The following SLCO4A1 variants were observed in gnomAD, a reference collection of about 807,000 sequenced individuals.
SLCO4A1 encodes the protein colon organic anion transporter.
A neutral mutation model predicts 64.6 loss-of-function variants in SLCO4A1; 51 were observed. The ratio of observed to expected loss-of-function variants is 0.79; its 90% CI spans 0.63 to 1.00. The LOEUF (loss-of-function observed/expected upper bound fraction) is 1.00, where lower values mean the gene tolerates loss of function less well. SLCO4A1 is among the 50% of genes least tolerant of loss of function. The probability of loss-of-function intolerance (pLI) is 0.00; values close to 1 mark genes in which losing one functional copy is unlikely to be tolerated. For missense variants in SLCO4A1, 919 were observed against 980.5 expected (o/e 0.94, Z 0.84); for synonymous variants, 471 against 444.9 (o/e 1.06, Z -0.74).
chr20:62,682,054 A>G (rs897372959), intron 2 of SLCO4A1, among the ~76,000 whole-genome samples: 1 of 152,108 alleles, frequency 6.6e-6, no homozygotes, highest in African/African-American at 2.4e-5. Flanking sequence ...AACTTCACTC[A>G]CCCAGATTTC....
At chr20:62,668,711 T>C (rs1986821590) in intron 10 of SLCO4A1, among the ~76,000 whole-genome samples, 170 bp downstream of exon 10, 1 of 152,096 alleles carries the variant, frequency 6.6e-6, no homozygotes, top group Admixed American at 6.5e-5. Flanking sequence ...TCGTCATTTA[T>C]TTGCCCAAAG....
chr20:62,687,838 C>A (rs752285080), downstream of SLCO4A1, among the ~76,000 whole-genome samples: 1 of 152,140 alleles, frequency 6.6e-6, no homozygotes, highest in Non-Finnish European at 1.5e-5. Flanking sequence ...ATGGCCCAAC[C>A]TGCCTTCCGA....
chr20:62,685,489 A>C lies in SLCO4A1; in HGVS notation n.260A>C. On this transcript the variant is annotated non_coding_transcript_exon_variant, in exon 3 of 3. Coordinates refer to the SLCO4A1 transcript ENST00000466818. The surrounding 1 kb of genome is among the most constrained non-coding windows in gnomAD (Gnocchi z 4.6). ...GCTGTAAACCCCATCTGAGCCTTAC[A>C]CATAGATCTCCTTGAATTGGATTTT... 1 of 975,846 alleles carries C rather than the reference A, an allele frequency of 1.0e-6. No individual in the cohort carries two copies. Among genetic ancestry groups the C allele is most frequent in the Non-Finnish European group, 1.2e-6 (1 of 821,182 alleles). The allele number at this position is 975,846 out of a possible 1,614,324, so 60.4% of individuals were successfully genotyped here. A position where few individuals can be genotyped will look rare whatever the true frequency, so the allele number is the denominator to read the frequency against.
chr20:62,680,614 C>A (rs1015173763), intron 2 of SLCO4A1, among the ~76,000 whole-genome samples: 2 of 151,150 alleles, frequency 1.3e-5, no homozygotes, highest in African/African-American at 4.9e-5. Context: ...GCTTTGATGG[C>A]CGTTTCTGAG....
intron 3 of SLCO4A1, among the ~76,000 whole-genome samples, chr20:62,659,933 C>T (rs1028327234): frequency 6.6e-6 from 1 of 152,232 alleles, no homozygotes; most frequent in African/African-American, 2.4e-5. Context: ...ATTTTCCACT[C>T]GCCTTTTCGT....
rs1178304317 is a variant in SLCO4A1, at chr20:62,645,527, C to A, written c.-97+2974C>A. On this transcript the variant is annotated intron_variant, in intron 1 of 11. Coordinates refer to ENST00000217159, the MANE Select transcript of SLCO4A1 (RefSeq NM_016354.4). The surrounding 1 kb of genome is among the most constrained non-coding windows in gnomAD (Gnocchi z 4.2). ...TCACCCTCATCCTCACCCGCAGCCT[C>A]ACCCTCAGTCCTCAGACACTGGGGT... is the stretch of plus-strand genomic sequence containing the variant. 6.7e-6 allele frequency among the ~76,000 whole-genome samples: 1 copy of A among 150,060 alleles called. No individual in the cohort carries two copies. The highest frequency in any genetic ancestry group is 1.5e-5 in the Non-Finnish European group (1 of 67,276).
Position 62,656,721 on chromosome 20 carries a change from G to A in SLCO4A1, c.267G>A (p.Trp89Ter). Reference protein sequence around the residue: ...SAGQSVACGWWAFAPPCLQVL... With the variant: ...SAGQSVACGW The stretch of plus-strand genomic sequence containing the variant: ...GGCAGAGCGTGGCGTGCGGCTGGTG[G>A]GCCTTCGCACCGCCGTGCCTGCAGG... Residue 89 changes from tryptophan (W) to a stop codon, truncating the protein, a stop_gained, in exon 2 of 12, where the codon TGG becomes TGA. Coordinates refer to ENST00000217159, the MANE Select transcript of SLCO4A1 (RefSeq NM_016354.4). LOFTEE classifies it high-confidence loss of function. 1.1e-5 allele frequency: 17 copies of A among 1,611,018 alleles called. No individual in the cohort carries two copies. The highest frequency in any genetic ancestry group is 1.4e-5 in the Non-Finnish European group (17 of 1,179,098).
At position 62,661,376 on chromosome 20, in the gene SLCO4A1, G is replaced by A. The variant is rs1984811882; in HGVS notation, c.1121+201G>A. On this transcript the variant is annotated intron_variant, in intron 5 of 11. Coordinates refer to ENST00000217159, the MANE Select transcript of SLCO4A1 (RefSeq NM_016354.4). This position sits in a 1 kb window ranked among gnomAD's most constrained non-coding sequence, Gnocchi z 5.2. ...GCAGACCCCGCCTCAGGGCTGCAGAGCCGTGGGAGAGTCCCAGAGTGGGGC... is the reference window on the plus strand; with the variant it reads ...GCAGACCCCGCCTCAGGGCTGCAGAACCGTGGGAGAGTCCCAGAGTGGGGC... Among the ~76,000 whole-genome samples the A allele has an allele frequency of 6.6e-6, 1 of 152,160 alleles. No homozygotes were observed. Among genetic ancestry groups the A allele is most frequent in the African/African-American group, 2.4e-5 (1 of 41,438 alleles).
At chr20:62,679,875 T>A (rs1397946449) in intron 2 of SLCO4A1, among the ~76,000 whole-genome samples, 1 of 152,166 alleles carries the variant, frequency 6.6e-6, no homozygotes, top group Non-Finnish European at 1.5e-5. Flanking sequence ...CAGAAAAGTT[T>A]CAGGTGATTA....
intron 1 of SLCO4A1, among the ~76,000 whole-genome samples, chr20:62,647,692 C>T (rs1439517630): frequency 6.6e-6 from 1 of 152,264 alleles, no homozygotes; most frequent in African/African-American, 2.4e-5. Flanking sequence ...GAAGTAAGTG[C>T]ATGGGGCCTA....
downstream of SLCO4A1, among the ~76,000 whole-genome samples, chr20:62,675,567 C>G (rs561134305): frequency 5.3e-4 from 80 of 152,312 alleles, no homozygotes; most frequent in African/African-American, 1.9e-3. Context: ...AGAGAGGAAG[C>G]AGTCTGGTTG....
At chr20:62,681,588 G>A (rs977986001) in intron 2 of SLCO4A1, among the ~76,000 whole-genome samples, 25 of 152,282 alleles carry the variant, frequency 1.6e-4, no homozygotes, top group Middle Eastern at 3.4e-3. Flanking sequence ...GTGTTAATCC[G>A]TGTGATGTTT....
chr20:62,675,006 C>T (rs1260236662), downstream of SLCO4A1, among the ~76,000 whole-genome samples: 1 of 152,162 alleles, frequency 6.6e-6, no homozygotes, highest in Non-Finnish European at 1.5e-5. Flanking sequence ...TGTAGAGTTT[C>T]GACTCCGGTC....
chr20:62,680,136 G>T (rs59030262), intron 2 of SLCO4A1, among the ~76,000 whole-genome samples: 1 of 152,188 alleles, frequency 6.6e-6, no homozygotes, highest in Non-Finnish European at 1.5e-5. Flanking sequence ...TTCAACGTTC[G>T]TAGAAACTGC....
rs1445638822 is a variant in SLCO4A1 at position 62,665,092 on chromosome 20, A to T, written c.1276+4A>T. 2 of 1,602,110 alleles carry T rather than the reference A, an allele frequency of 1.2e-6. No homozygotes were observed. Among genetic ancestry groups the T allele is most frequent in the East Asian group, 2.2e-5 (1 of 44,760 alleles). On this transcript the variant is annotated splice_donor_region_variant and intron_variant, in intron 6 of 11. Transcript: ENST00000217159. ...TCAGAAGCTGCCACCTTGTTTGGTG[A>T]GAAAACTGAATCTTGGGGGTCCTCT...
rs1035407834 is a variant in SLCO4A1 at position 62,660,346 on chromosome 20, G to A, written c.888-66G>A. The A allele has an allele frequency of 8.9e-6, 14 of 1,564,636 alleles. No homozygotes were observed. The African/African-American group carries it at 1.5e-4, about 17-fold the overall frequency. On this transcript the variant is annotated intron_variant, in intron 3 of 11. Transcript: ENST00000217159. The stretch of plus-strand genomic sequence containing the variant: ...CCGGAGGAGGGGCCAGCAGCCCCCA[G>A]TGTGTGTGCCATGGAGGGCACAGGT...
In SLCO4A1 at chr20:62,667,762, A is replaced by T. The variant is rs1986633248; in HGVS notation, c.1490A>T (p.His497Leu). Residue 497 changes from histidine to leucine, a missense_variant, in exon 8 of 12, where the codon CAC (histidine) becomes CTC (leucine). His to Leu is a moderately conservative substitution (Grantham distance 99). Transcript: ENST00000217159. ...CTCTGCAGCCTCCTGCCCGAAGGCCACCTGAACCTAACGGCTCCCTGCAAC... is the reference window on the plus strand; with the variant it reads ...CTCTGCAGCCTCCTGCCCGAAGGCCTCCTGAACCTAACGGCTCCCTGCAAC... Reference protein sequence around the residue: ...SYGGSLLPEGHLNLTAPCNAA... With the variant: ...SYGGSLLPEGLLNLTAPCNAA... 6.2e-7 allele frequency: 1 copy of T among 1,609,486 alleles called. No homozygotes were observed. The highest frequency in any genetic ancestry group is 8.5e-7 in the Non-Finnish European group (1 of 1,178,418).
downstream of SLCO4A1, among the ~76,000 whole-genome samples, chr20:62,675,991 A>AG (rs781473851): frequency 6.6e-6 from 1 of 152,160 alleles, no homozygotes; most frequent in Admixed American, 6.5e-5. Context: ...TGCTGGGATG[A>AG]GGGCTGCGGG....
At chr20:62,657,507 C>T (rs1054869316) in intron 2 of SLCO4A1, among the ~76,000 whole-genome samples, 1 of 152,258 alleles carries the variant, frequency 6.6e-6, no homozygotes, top group African/African-American at 2.4e-5. Context: ...TCAGTGCAAC[C>T]CCTGCGTGGT....
Sources: allele counts gnomAD v4.1 joint callset (sites outside exome capture counted in the v4.1 genomes callset), GRCh38; gene constraint gnomAD v4.1.1; non-coding constraint Gnocchi (gnomAD v3.1); transcripts MANE v1.5; gene names NCBI Gene and HGNC (gene_info 2026-07-23, HGNC 2026-07-21).